Variants in ANK3 observed in about 807,000 individuals in gnomAD.
ANK3 encodes the protein ankyrin 3, also known as ankyrin-3.
ANK3 carries 57 observed loss-of-function variants against 370.9 expected under a neutral mutation model. The observed-to-expected ratio is 0.15, with a 90% CI of 0.12 to 0.19. The LOEUF is 0.19. Among genes scored for constraint, ANK3 ranks in the 10% least tolerant of loss-of-function variants. ANK3 has a pLI of 1.00. For synonymous variants in ANK3, 1,929 were observed against 1,946.3 expected, an observed-to-expected ratio of 0.99 and a Z score of 0.23; for missense variants, 4,439 against 5,302.1, an observed-to-expected ratio of 0.84 and a Z score of 5.06.
At chr10:60,336,582 T>TCTATCTATCTAC (rs1555308346) in intron 1 of ANK3, among the ~76,000 whole-genome samples, 2 of 152,098 alleles carry the variant, frequency 1.3e-5, no homozygotes, top group African/African-American at 4.8e-5. Flanking sequence ...TATCTATCTA[T>TCTATCTATCTAC]CTATCTATCT....
Position 60,550,512 on chromosome 10 carries a change from A to T in ANK3, c.96+64674T>A, listed in dbSNP as rs192571801. On this transcript the variant is annotated intron_variant, in intron 2 of 43. Coordinates refer to the ANK3 transcript ENST00000373827. The stretch of plus-strand genomic sequence containing the variant: ...TCTAAAACACTAAAAAGAATTTTTT[A>T]AATGGCTATATAAATTTCTTCTTTT... Among the ~76,000 whole-genome samples the T allele has an allele frequency of 1.3e-3, 196 of 152,166 alleles. 1 individual carries two copies. Among genetic ancestry groups the T allele is most frequent in the African/African-American group, 4.5e-3 (186 of 41,576 alleles).
At chr10:60,509,461 C>T (rs908465475) in intron 2 of ANK3, among the ~76,000 whole-genome samples, 1 of 152,024 alleles carries the variant, frequency 6.6e-6, no homozygotes, top group African/African-American at 2.4e-5. Flanking sequence ...GCCACATGTT[C>T]AAGAATGGCA....
chr10:60,498,780 T>C (rs975885815), intron 2 of ANK3, among the ~76,000 whole-genome samples: 1 of 152,228 alleles, frequency 6.6e-6, no homozygotes, highest in Non-Finnish European at 1.5e-5. Flanking sequence ...GATTTTGTCA[T>C]GTAAACTGCC....
intron 43 of ANK3, among the ~76,000 whole-genome samples, chr10:60,031,098 TGTAA>T (rs10596100): frequency 0.85 from 129,413 of 151,768 alleles, 56,616 homozygotes; most frequent in Non-Finnish European, 0.92. Flanking sequence ...CTGAATGCTT[TGTAA>T]GTAAGTCTCT....
chr10:60,560,679 A>C (rs2068044), intron 2 of ANK3, among the ~76,000 whole-genome samples: 105,052 of 151,964 alleles, frequency 0.69, 36,748 homozygotes, highest in South Asian at 0.88. Flanking sequence ...GTGAAATAAC[A>C]CCACATTTGT....
At chr10:60,086,990 CCAA>C in intron 29 of ANK3, 106 bp from the exon 30 acceptor site, 3 of 100,738 alleles carry the variant, frequency 3.0e-5, no homozygotes, top group Admixed American at 3.7e-4. Flanking sequence ...AAACAGACAA[CCAA>C]AAAAAAAAAA....
intron 1 of ANK3, among the ~76,000 whole-genome samples, chr10:60,280,483 A>G (rs1183145252): frequency 6.6e-6 from 1 of 152,246 alleles, no homozygotes; most frequent in Non-Finnish European, 1.5e-5. Context: ...TTTTAGAACA[A>G]CAAGACATGT....
intron 1 of ANK3, among the ~76,000 whole-genome samples, chr10:60,279,965 T>C (rs2098138150): frequency 6.6e-6 from 1 of 152,234 alleles, no homozygotes; most frequent in Non-Finnish European, 1.5e-5. Context: ...AATTACATTA[T>C]GAAGACCCCA....
chr10:60,048,582 A>AT (rs2077325414), intron 42 of ANK3, among the ~76,000 whole-genome samples: 1 of 152,220 alleles, frequency 6.6e-6, no homozygotes. Flanking sequence ...ATTCTCCCAT[A>AT]TACTTTAAAT....
intron 1 of ANK3, among the ~76,000 whole-genome samples, chr10:60,671,214 C>G (rs2079060817): frequency 6.6e-6 from 1 of 152,188 alleles, no homozygotes; most frequent in Non-Finnish European, 1.5e-5. Context: ...TCTGCATGAT[C>G]TGACTCCGCT....
At chr10:60,057,722 G>C (rs17207897) in intron 41 of ANK3, among the ~76,000 whole-genome samples, 10,587 of 152,216 alleles carry the variant, frequency 0.07, 498 homozygotes, top group Non-Finnish European at 0.11. Flanking sequence ...TTCACTGGCA[G>C]AGCCTATATA....
intron 2 of ANK3, among the ~76,000 whole-genome samples, chr10:60,458,653 A>G (rs1363403762): frequency 6.6e-6 from 1 of 152,140 alleles, no homozygotes; most frequent in East Asian, 1.9e-4. Flanking sequence ...GGATGACTAG[A>G]TGAGAGAAAG....
intron 2 of ANK3, among the ~76,000 whole-genome samples, chr10:60,475,646 A>G (rs1315843199): frequency 6.6e-6 from 1 of 152,210 alleles, no homozygotes; most frequent in African/African-American, 2.4e-5. Context: ...AACAAAACCC[A>G]GTTATAAAAT....
At chr10:60,637,234 T>A (rs1191646456) in intron 1 of ANK3, among the ~76,000 whole-genome samples, 1 of 152,200 alleles carries the variant, frequency 6.6e-6, no homozygotes, top group East Asian at 1.9e-4. Context: ...TGCTACTAAG[T>A]TCCCCAATTT....
At chr10:60,211,317 G>T (rs2096850861) in intron 9 of ANK3, among the ~76,000 whole-genome samples, 1 of 152,066 alleles carries the variant, frequency 6.6e-6, no homozygotes, top group Admixed American at 6.6e-5. Context: ...AGAACAGAGG[G>T]CAGTGACGAG....
chr10:60,129,915 G>T (rs539464489), intron 25 of ANK3, among the ~76,000 whole-genome samples: 6 of 152,222 alleles, frequency 3.9e-5, no homozygotes, highest in South Asian at 4.2e-4. Flanking sequence ...GTAATTTTTG[G>T]CTAACAGAAT....
chr10:60,567,196 C>G (rs918679219), intron 2 of ANK3, among the ~76,000 whole-genome samples: 1 of 152,138 alleles, frequency 6.6e-6, no homozygotes, highest in South Asian at 2.1e-4. Flanking sequence ...AAGATCCTAC[C>G]TAGGACTGTC....
At chr10:60,677,200 G>A (rs1441564830) in intron 1 of ANK3, among the ~76,000 whole-genome samples, 1 of 152,074 alleles carries the variant, frequency 6.6e-6, no homozygotes, top group African/African-American at 2.4e-5. Context: ...AAATAACCTA[G>A]ATCAAAGAAA....
intron 7 of ANK3, among the ~76,000 whole-genome samples, chr10:60,240,321 TGAGATAGAGTTTCGC>T (rs2097433526): frequency 1.4e-5 from 2 of 144,834 alleles, no homozygotes; most frequent in African/African-American, 2.5e-5. Context: ...TTTTTCTTTT[TGAGATAGAGTTTCGC>T]TCTTGCTGCC....
Sources: allele counts gnomAD v4.1 joint callset (sites outside exome capture counted in the v4.1 genomes callset), GRCh38; gene constraint gnomAD v4.1.1; transcripts MANE v1.5; gene names NCBI Gene and HGNC (gene_info 2026-07-23, HGNC 2026-07-21).